The following SGCZ variants were observed in gnomAD, a reference collection of about 807,000 sequenced individuals.
SGCZ encodes sarcoglycan zeta.
In SGCZ, 40 loss-of-function variants were observed where a neutral mutation model predicts 41.3. The observed-to-expected ratio is 0.97, with a 90% CI of 0.75 to 1.26. The LOEUF (loss-of-function observed/expected upper bound fraction) is 1.26, where lower values mean the gene tolerates loss of function less well. Ranked by LOEUF, SGCZ falls within the 50% of genes most tolerant of loss-of-function variation. The pLI is 0.00. For missense variants in SGCZ, 552 were observed against 369.8 expected (o/e 1.49, Z -4.04); for synonymous variants, 206 against 137.5 (o/e 1.50, Z -3.49).
intron 1 of SGCZ, among the ~76,000 whole-genome samples, chr8:14,819,750 T>G (rs1802017305): frequency 6.6e-6 from 1 of 152,112 alleles, no homozygotes. Flanking sequence ...GGAAAAATTG[T>G]AGAGTATTTC....
intron 1 of SGCZ, among the ~76,000 whole-genome samples, chr8:14,946,860 G>C (rs1434621153): frequency 2.0e-5 from 3 of 151,838 alleles, no homozygotes; most frequent in African/African-American, 7.3e-5. Flanking sequence ...ATTTTTAGTA[G>C]AGACGGGGTT....
chr8:14,881,021 T>C (rs1804565825), intron 1 of SGCZ, among the ~76,000 whole-genome samples: 3 of 151,238 alleles, frequency 2.0e-5, no homozygotes, highest in Non-Finnish European at 4.4e-5. Flanking sequence ...AGAGAAAGAG[T>C]CTTAGTTCAA....
Position 15,025,744 on chromosome 8 carries a change from T to C in SGCZ, c.39+211841A>G, listed in dbSNP as rs544315909. ...TAGTCTTAGAGCAATTTCTGACATATGAGATTGGAAATTAGTGAGAAAAGT... is the reference window on the plus strand; with the variant it reads ...TAGTCTTAGAGCAATTTCTGACATACGAGATTGGAAATTAGTGAGAAAAGT... On this transcript the variant is annotated intron_variant, in intron 1 of 7. Transcript: ENST00000382080. Among the ~76,000 whole-genome samples the C allele has an allele frequency of 2.0e-5, 3 of 152,254 alleles. No individual in the cohort carries two copies. In the East Asian group the frequency reaches 5.8e-4, roughly 29 times the overall value.
chr8:14,147,741 T>C (rs1803571243), intron 5 of SGCZ, among the ~76,000 whole-genome samples: 1 of 152,140 alleles, frequency 6.6e-6, no homozygotes, highest in South Asian at 2.1e-4. Context: ...TTTCATAAAA[T>C]GGCTACAAAA....
At chr8:14,536,025 G>T (rs1230869514) in intron 2 of SGCZ, among the ~76,000 whole-genome samples, 1 of 151,748 alleles carries the variant, frequency 6.6e-6, no homozygotes, top group Non-Finnish European at 1.5e-5. Context: ...AGCTTTGGCA[G>T]ATACAAGTTT....
Position 14,292,166 on chromosome 8 carries a change from G to A in SGCZ, c.336+31937C>T, listed in dbSNP as rs117151302. On this transcript the variant is annotated intron_variant, in intron 3 of 7. Transcript: ENST00000382080. Reference sequence around the variant, plus strand: ...ATAAAAACTTATTAAGTACGAACTAGGAGCTAGATGCAAGACATAAATAAC... The same window carrying A: ...ATAAAAACTTATTAAGTACGAACTAAGAGCTAGATGCAAGACATAAATAAC... Among the ~76,000 whole-genome samples the A allele has an allele frequency of 1.9e-3, 284 of 152,084 alleles. 1 individual carries two copies. Among genetic ancestry groups the A allele is most frequent in the East Asian group, 0.013 (69 of 5,164 alleles).
At chr8:15,037,044 AT>A (rs1355753732) in intron 1 of SGCZ, among the ~76,000 whole-genome samples, 3 of 152,202 alleles carry the variant, frequency 2.0e-5, no homozygotes, top group African/African-American at 7.2e-5. Context: ...ACTGGACATC[AT>A]TTTATGATAC....
At chr8:15,001,484 C>T (rs1297498832) in intron 1 of SGCZ, among the ~76,000 whole-genome samples, 1 of 152,120 alleles carries the variant, frequency 6.6e-6, no homozygotes, top group East Asian at 1.9e-4. Flanking sequence ...AATCCCAGCA[C>T]TTTGGGAGGC....
intron 2 of SGCZ, among the ~76,000 whole-genome samples, chr8:14,510,276 G>A (rs996456514): frequency 2.0e-5 from 3 of 152,064 alleles, no homozygotes; most frequent in Admixed American, 6.6e-5. Context: ...AAAGTAAACT[G>A]AAAATGAGAA....
chr8:14,838,530 A>G (rs1802784940), intron 1 of SGCZ, among the ~76,000 whole-genome samples: 1 of 152,112 alleles, frequency 6.6e-6, no homozygotes, highest in African/African-American at 2.4e-5. Context: ...GCACCCCAAT[A>G]GTGTAGAACC....
At chr8:14,468,322 C>G (rs544063712) in intron 2 of SGCZ, among the ~76,000 whole-genome samples, 1 of 152,084 alleles carries the variant, frequency 6.6e-6, no homozygotes, top group South Asian at 2.1e-4. Context: ...AAATGACTAC[C>G]CTTATCTTTA....
chr8:15,168,872 G>T (rs1799744650), intron 1 of SGCZ, among the ~76,000 whole-genome samples: 1 of 152,266 alleles, frequency 6.6e-6, no homozygotes, highest in East Asian at 1.9e-4. Context: ...TTTAGGATTG[G>T]GCTTGGGGGA....
intron 2 of SGCZ, among the ~76,000 whole-genome samples, chr8:14,434,221 G>A (rs1800024004): frequency 6.6e-6 from 1 of 152,156 alleles, no homozygotes; most frequent in Non-Finnish European, 1.5e-5. Flanking sequence ...TTGTTGAATA[G>A]GGTGTCCTTT....
At chr8:14,470,900 T>C (rs1356329201) in intron 2 of SGCZ, among the ~76,000 whole-genome samples, 1 of 152,142 alleles carries the variant, frequency 6.6e-6, no homozygotes, top group Non-Finnish European at 1.5e-5. Context: ...TAAGTCGTGT[T>C]AACAATTTTA....
intron 3 of SGCZ, among the ~76,000 whole-genome samples, chr8:14,290,625 C>G (rs1010358693): frequency 1.2e-4 from 18 of 152,010 alleles, no homozygotes; most frequent in Admixed American, 2.6e-4. Flanking sequence ...CAAATAAAAA[C>G]TTCAATGAGA....
chr8:14,615,367 C>T (rs1451787550), intron 1 of SGCZ, among the ~76,000 whole-genome samples: 1 of 152,222 alleles, frequency 6.6e-6, no homozygotes, highest in African/African-American at 2.4e-5. Context: ...GGTGATTTCT[C>T]TTCTGTGCTC....
intron 1 of SGCZ, among the ~76,000 whole-genome samples, chr8:15,072,822 T>C (rs147076898): frequency 0.015 from 2,215 of 152,268 alleles, 52 homozygotes; most frequent in African/African-American, 0.051. Context: ...TTATCGTATT[T>C]TAGTCCAAAC....
At chr8:14,600,729 A>T (rs1196522593) in intron 1 of SGCZ, among the ~76,000 whole-genome samples, 1 of 152,184 alleles carries the variant, frequency 6.6e-6, no homozygotes, top group East Asian at 1.9e-4. Context: ...AAATATACAC[A>T]TGCATCATTT....
At chr8:14,108,365 C>A in intron 5 of SGCZ, 130 bp from the exon 6 acceptor site, 1 of 700,092 alleles carries the variant, frequency 1.4e-6, no homozygotes, top group South Asian at 1.9e-5. Flanking sequence ...TGTATTAGTC[C>A]GTTTTCACAC....
Sources: gnomAD v4.1 joint callset for allele counts (sites outside exome capture counted in the v4.1 genomes callset) on GRCh38, gnomAD v4.1.1 for gene constraint, MANE v1.5 for transcripts, NCBI Gene and HGNC (gene_info 2026-07-23, HGNC 2026-07-21) for gene names.